RARB: variants seen among roughly 807,000 people sequenced by gnomAD.
RARB encodes retinoic acid receptor beta.
RARB carries 17 observed loss-of-function variants against 51.9 expected under a neutral mutation model. The ratio of observed to expected loss-of-function variants is 0.33; its 90% confidence interval spans 0.22 to 0.49. RARB has a LOEUF of 0.49. Among genes scored for constraint, RARB ranks in the 20% least tolerant of loss-of-function variants. The pLI is 0.99. For synonymous variants in RARB, 215 were observed against 195.4 expected (o/e 1.10, Z -0.84); for missense variants, 369 against 550.8 (o/e 0.67, Z 3.30).
At chr3:25,409,683 T>C (rs1197070285) in intron 5 of RARB, among the ~76,000 whole-genome samples, 1 of 152,210 alleles carries the variant, frequency 6.6e-6, no homozygotes, top group South Asian at 2.1e-4. Context: ...GGACTTTGTG[T>C]TGATGACCTC....
chr3:24,969,433 G>A (rs913233343), intron 2 of RARB, among the ~76,000 whole-genome samples: 7 of 152,176 alleles, frequency 4.6e-5, no homozygotes, highest in African/African-American at 1.7e-4. Flanking sequence ...TTATTTCCCA[G>A]AAGTGAGATT....
chr3:25,356,553 C>T (rs545371214), intron 5 of RARB, among the ~76,000 whole-genome samples: 12 of 151,686 alleles, frequency 7.9e-5, no homozygotes, highest in Non-Finnish European at 1.2e-4. Flanking sequence ...CTGGGATACA[C>T]GTGCAGAATG....
chr3:25,358,064 T>C (rs996252310), intron 5 of RARB, among the ~76,000 whole-genome samples: 4 of 152,090 alleles, frequency 2.6e-5, no homozygotes, highest in African/African-American at 9.7e-5. Flanking sequence ...AGTAGCTTGA[T>C]GGGAATAACA....
intron 2 of RARB, among the ~76,000 whole-genome samples, chr3:24,956,893 A>G (rs2125408874): frequency 6.6e-6 from 1 of 152,322 alleles, no homozygotes; most frequent in South Asian, 2.1e-4. Context: ...AAGCTGGACC[A>G]GAGAGAAGGA....
At chr3:25,490,657 T>C (rs1206146045) in intron 2 of RARB, among the ~76,000 whole-genome samples, 1 of 152,130 alleles carries the variant, frequency 6.6e-6, no homozygotes, top group Non-Finnish European at 1.5e-5. Flanking sequence ...GCAGCTGGGG[T>C]CCGCTAACTC....
intron 5 of RARB, among the ~76,000 whole-genome samples, chr3:25,316,464 A>T (rs1704428088): frequency 6.6e-6 from 1 of 152,202 alleles, no homozygotes. Context: ...AAGAAACAGA[A>T]AATGAAATTT....
At chr3:25,484,064 G>A (rs1696356393) in intron 2 of RARB, among the ~76,000 whole-genome samples, 1 of 152,196 alleles carries the variant, frequency 6.6e-6, no homozygotes, top group Middle Eastern at 3.2e-3. Flanking sequence ...GTTAGTGAAG[G>A]ATGAGCTAAA....
intron 1 of RARB, among the ~76,000 whole-genome samples, chr3:25,439,251 A>G (rs1048515938): frequency 6.6e-6 from 1 of 152,210 alleles, no homozygotes; most frequent in Non-Finnish European, 1.5e-5. Flanking sequence ...GTAAAGTCGA[A>G]TTAATGTTTA....
At chr3:24,960,389 G>A (rs889318706) in intron 2 of RARB, among the ~76,000 whole-genome samples, 12 of 152,120 alleles carry the variant, frequency 7.9e-5, no homozygotes, top group Non-Finnish European at 1.5e-4. Context: ...TTGTTTCCTA[G>A]GAAAAGAAAA....
intron 2 of RARB, among the ~76,000 whole-genome samples, chr3:24,901,319 T>A (rs1703599934): frequency 6.6e-6 from 1 of 152,012 alleles, no homozygotes; most frequent in Admixed American, 6.6e-5. Flanking sequence ...TCAAAGAAAA[T>A]AGAGGGAAAG....
chr3:25,234,485 A>G (rs1186729897), intron 5 of RARB, among the ~76,000 whole-genome samples: 1 of 151,940 alleles, frequency 6.6e-6, no homozygotes, highest in African/African-American at 2.4e-5. Context: ...ATTTTTCTCT[A>G]TAGATTTTCT....
chr3:25,277,491 G>A (rs964503084), intron 5 of RARB, among the ~76,000 whole-genome samples: 3 of 152,164 alleles, frequency 2.0e-5, no homozygotes, highest in African/African-American at 4.8e-5. Flanking sequence ...GGTTCTCAGA[G>A]AACAGTTTGC....
chr3:25,308,430 G>C (rs1352216661), intron 5 of RARB, among the ~76,000 whole-genome samples: 1 of 149,716 alleles, frequency 6.7e-6, no homozygotes, highest in South Asian at 2.1e-4. Context: ...TTTTCTCCCT[G>C]ACTGGTTTTC....
intron 1 of RARB, among the ~76,000 whole-genome samples, chr3:25,433,263 T>C (rs1708280628): frequency 9.2e-6 from 1 of 108,432 alleles, no homozygotes; most frequent in Non-Finnish European, 2.0e-5. Context: ...CATTGAAATA[T>C]GCCAGATATT....
chr3:24,957,628 ATTAGTCTATCATTTTGAATATTTGGAGG>A (rs1294645284), intron 2 of RARB, among the ~76,000 whole-genome samples: 1 of 152,222 alleles, frequency 6.6e-6, no homozygotes, highest in Admixed American at 6.5e-5. Flanking sequence ...CCTTAAAACT[ATTAGTCTATCATTTTGAATATTTGGAGG>A]TTTCAAGCAA....
chr3:25,269,211 C>T (rs1703194950), intron 5 of RARB, among the ~76,000 whole-genome samples: 1 of 152,106 alleles, frequency 6.6e-6, no homozygotes, highest in Admixed American at 6.6e-5. Flanking sequence ...ATTGCTGGCT[C>T]ATTTTAGAAG....
At chr3:25,428,994 T>G in intron 1 of RARB, 106 bp downstream of exon 1, 1 of 1,307,526 alleles carries the variant, frequency 7.6e-7, no homozygotes. Flanking sequence ...GACAAAGGAT[T>G]TAATGATTTA....
At chr3:25,033,499 G>T (rs1397474358) in intron 2 of RARB, among the ~76,000 whole-genome samples, 1 of 152,164 alleles carries the variant, frequency 6.6e-6, no homozygotes. Flanking sequence ...GAAGTGTGTG[G>T]GAAAGCTAAG....
At chr3:25,264,174 T>C (rs1575268931) in intron 5 of RARB, among the ~76,000 whole-genome samples, 1 of 152,046 alleles carries the variant, frequency 6.6e-6, no homozygotes, top group Non-Finnish European at 1.5e-5. Context: ...AGAAAGCCAA[T>C]GATATTTTTC....
Sources: allele counts gnomAD v4.1 joint callset (sites outside exome capture counted in the v4.1 genomes callset), GRCh38; gene constraint gnomAD v4.1.1; transcripts MANE v1.5; gene names NCBI Gene and HGNC (gene_info 2026-07-23, HGNC 2026-07-21).